RYR3: variants seen among roughly 807,000 people sequenced by gnomAD.
RYR3 encodes the protein brain ryanodine receptor-calcium release channel.
Under a neutral mutation model 584.3 loss-of-function variants are expected in RYR3, and 207 were observed. The ratio of observed to expected loss-of-function variants is 0.35; its 90% CI spans 0.32 to 0.40. The LOEUF is 0.40. Ranked by LOEUF, RYR3 falls within the 10% of genes least tolerant of loss-of-function variation. RYR3 has a pLI of 1.00. For synonymous variants in RYR3, 2,416 were observed against 2,248.5 expected (o/e 1.07, Z -2.11); for missense variants, 5,616 against 6,089.2 (o/e 0.92, Z 2.59).
intron 1 of RYR3, among the ~76,000 whole-genome samples, chr15:33,316,802 A>T (rs980885183): frequency 1.3e-5 from 2 of 152,226 alleles, no homozygotes; most frequent in Non-Finnish European, 2.9e-5. Flanking sequence ...CTTTCTTATC[A>T]TCAGATCTTG....
intron 1 of RYR3, among the ~76,000 whole-genome samples, chr15:33,387,632 C>A (rs552572302): frequency 2.8e-5 from 4 of 144,992 alleles, no homozygotes; most frequent in Non-Finnish European, 3.0e-5. Flanking sequence ...GAAAAGAACA[C>A]AAGATGAATA....
intron 1 of RYR3, among the ~76,000 whole-genome samples, chr15:33,349,106 CTTTTTTT>C (rs749996197): frequency 8.8e-6 from 1 of 113,558 alleles, no homozygotes; most frequent in East Asian, 2.5e-4. Context: ...TAGCTTGTGC[CTTTTTTT>C]TTTTTTTTTT....
chr15:33,683,503 T>G (rs377163589), intron 38 of RYR3, among the ~76,000 whole-genome samples: 1 of 152,154 alleles, frequency 6.6e-6, no homozygotes, highest in Non-Finnish European at 1.5e-5. Flanking sequence ...CCTACCAAAA[T>G]TGGGGAGTCC....
At chr15:33,426,643 A>G (rs541932479) in intron 1 of RYR3, among the ~76,000 whole-genome samples, 1 of 152,334 alleles carries the variant, frequency 6.6e-6, no homozygotes, top group African/African-American at 2.4e-5. Flanking sequence ...CAAAGATATA[A>G]CTGAGGCTGG....
At chr15:33,468,390 C>T (rs1228433473) in intron 1 of RYR3, among the ~76,000 whole-genome samples, 1 of 152,058 alleles carries the variant, frequency 6.6e-6, no homozygotes, top group Non-Finnish European at 1.5e-5. Context: ...GTGTTTGGCA[C>T]AGAAGTCCAG....
intron 10 of RYR3, among the ~76,000 whole-genome samples, chr15:33,552,867 C>T (rs550099881): frequency 1.3e-5 from 2 of 152,294 alleles, no homozygotes; most frequent in South Asian, 2.1e-4. Flanking sequence ...TCTTGCCTTG[C>T]TTGGCACGGG....
At chr15:33,558,572 C>T (rs1286656779) in intron 10 of RYR3, among the ~76,000 whole-genome samples, 1 of 152,046 alleles carries the variant, frequency 6.6e-6, no homozygotes, top group Non-Finnish European at 1.5e-5. Context: ...GTGCATGTGT[C>T]TTTATAGCAG....
rs1596075581 is a variant in RYR3 at position 33,670,572 on chromosome 15, T to G, written c.5860+16T>G. On this transcript the variant is annotated intron_variant, in intron 38 of 103. Coordinates refer to ENST00000634891, the MANE Select transcript of RYR3 (RefSeq NM_001036.6). ...AGATGCCCCAGTAAGTGACATTGCCTTTAAATGACAGTGTGCTCTTCTAAG... is the reference window on the plus strand; with the variant it reads ...AGATGCCCCAGTAAGTGACATTGCCGTTAAATGACAGTGTGCTCTTCTAAG... 2 of 1,549,242 alleles carry G rather than the reference T, an allele frequency of 1.3e-6. No homozygotes were observed. Among genetic ancestry groups the G allele is most frequent in the East Asian group, 4.5e-5 (2 of 44,544 alleles).
intron 5 of RYR3, among the ~76,000 whole-genome samples, chr15:33,538,605 A>C (rs1002846638): frequency 5.3e-5 from 8 of 152,168 alleles, no homozygotes. Context: ...TGTTCAGGGC[A>C]GGGAAAGGCA....
At chr15:33,615,864 A>G (rs1343028985) in intron 19 of RYR3, among the ~76,000 whole-genome samples, 1 of 152,208 alleles carries the variant, frequency 6.6e-6, no homozygotes, top group African/African-American at 2.4e-5. Flanking sequence ...TGGAAGAGGG[A>G]AAGGACCTTC....
At chr15:33,691,110 A>G (rs976456005) in intron 38 of RYR3, among the ~76,000 whole-genome samples, 1 of 152,126 alleles carries the variant, frequency 6.6e-6, no homozygotes, top group African/African-American at 2.4e-5. Context: ...ACTATATCTG[A>G]ACAAGTAGTA....
intron 38 of RYR3, among the ~76,000 whole-genome samples, chr15:33,680,977 T>C (rs1161974474): frequency 6.6e-6 from 1 of 152,210 alleles, no homozygotes; most frequent in Non-Finnish European, 1.5e-5. Context: ...GTAATCTACA[T>C]ACGTTACCTA....
At chr15:33,858,978 C>T (rs1172846146) in intron 99 of RYR3, 1 of 152,690 alleles carries the variant, frequency 6.5e-6, no homozygotes, top group African/African-American at 2.4e-5. Context: ...CAGGCTGCCC[C>T]TGGCTTTTGA....
intron 1 of RYR3, among the ~76,000 whole-genome samples, chr15:33,358,642 G>A (rs192678056): frequency 7.0e-6 from 1 of 141,952 alleles, no homozygotes; most frequent in African/African-American, 2.6e-5. Flanking sequence ...TGAAATCTGG[G>A]AAGTGGTATC....
At chr15:33,538,129 A>C (rs2055494079) in intron 5 of RYR3, among the ~76,000 whole-genome samples, 1 of 152,018 alleles carries the variant, frequency 6.6e-6, no homozygotes, top group Non-Finnish European at 1.5e-5. Flanking sequence ...TGTTCTTTAT[A>C]ATCTTTGCTT....
intron 1 of RYR3, among the ~76,000 whole-genome samples, chr15:33,402,694 A>T (rs191908658): frequency 6.2e-4 from 95 of 152,374 alleles, no homozygotes; most frequent in African/African-American, 2.0e-3. Context: ...TGCACAGACT[A>T]AGAGCATGTC....
intron 16 of RYR3, among the ~76,000 whole-genome samples, chr15:33,594,987 C>T (rs996298665): frequency 6.6e-6 from 1 of 152,156 alleles, no homozygotes. Flanking sequence ...TCATATTTGA[C>T]AATGCTTCCT....
chr15:33,835,986 C>G (rs990071913), intron 87 of RYR3, among the ~76,000 whole-genome samples: 1 of 152,110 alleles, frequency 6.6e-6, no homozygotes. Flanking sequence ...TCTCTGAGGT[C>G]TCTTCACAGC....
At chr15:33,831,170 C>G in intron 86 of RYR3, 79 bp downstream of exon 86, 1 of 1,392,372 alleles carries the variant, frequency 7.2e-7, no homozygotes, top group Non-Finnish European at 9.9e-7. Flanking sequence ...CTACAGAATA[C>G]TTGATTGTAC....
Sources: gnomAD v4.1 joint callset for allele counts (sites outside exome capture counted in the v4.1 genomes callset) on GRCh38, gnomAD v4.1.1 for gene constraint, MANE v1.5 for transcripts, NCBI Gene and HGNC (gene_info 2026-07-23, HGNC 2026-07-21) for gene names.